TANC2: variants seen among roughly 807,000 people sequenced by gnomAD.
The protein encoded by TANC2 is tetratricopeptide repeat, ankyrin repeat and coiled-coil containing 2.
A neutral mutation model predicts 210.5 loss-of-function variants in TANC2; 26 were observed. That is an observed-to-expected ratio of 0.12 (90% CI 0.09 to 0.17). The LOEUF (loss-of-function observed/expected upper bound fraction) is 0.17, where lower values mean the gene tolerates loss of function less well. Ranked by LOEUF, TANC2 falls within the 10% of genes least tolerant of loss-of-function variation. The probability of loss-of-function intolerance (pLI) is 1.00; values close to 1 mark genes in which losing one functional copy is unlikely to be tolerated. For synonymous variants in TANC2, 931 were observed against 967.1 expected (o/e 0.96, Z 0.69); for missense variants, 2,129 against 2,608.9 (o/e 0.82, Z 4.01).
chr17:62,970,612 T>C lies in TANC2; in HGVS notation c.-24+3863T>C, dbSNP rs150595697. Among the ~76,000 whole-genome samples, 430 of 152,272 alleles carry C rather than the reference T, an allele frequency of 2.8e-3. 1 individual carries two copies. Among genetic ancestry groups the C allele is most frequent in the African/African-American group, 0.01 (416 of 41,550 alleles). On this transcript the variant is annotated intron_variant, in intron 1 of 27. Transcript: ENST00000689528. Reference sequence around the variant, plus strand: ...AATCCAGTCATTTCAAAGGGGACTATTAGGGTAGTTGGTACTGATTGAATA... The same window carrying C: ...AATCCAGTCATTTCAAAGGGGACTACTAGGGTAGTTGGTACTGATTGAATA...
chr17:63,314,232 ATAGAATCAACAT>A (rs1214913884), intron 9 of TANC2, among the ~76,000 whole-genome samples, 144 bp from the exon 10 acceptor site: 4 of 152,214 alleles, frequency 2.6e-5, no homozygotes, highest in Non-Finnish European at 2.9e-5. Flanking sequence ...GCTTATCTGT[ATAGAATCAACAT>A]TCGCAGTTGC....
At chr17:63,370,003 C>G (rs1394122367) in intron 14 of TANC2, among the ~76,000 whole-genome samples, 2 of 152,090 alleles carry the variant, frequency 1.3e-5, no homozygotes, top group South Asian at 4.1e-4. Context: ...ATACACCCTG[C>G]TCTCTCTTCT....
intron 9 of TANC2, among the ~76,000 whole-genome samples, chr17:63,287,027 G>A (rs1404650478): frequency 2.0e-5 from 3 of 152,122 alleles, no homozygotes; most frequent in Admixed American, 6.5e-5. Context: ...TCTGCCTCCC[G>A]GGTTCAAATG....
chr17:62,991,482 C>CA (rs1271854862), intron 1 of TANC2, among the ~76,000 whole-genome samples: 1 of 151,330 alleles, frequency 6.6e-6, no homozygotes, highest in African/African-American at 2.4e-5. Flanking sequence ...ACTAAAAATA[C>CA]AAAAAAATTA....
intron 5 of TANC2, chr17:63,154,913 A>G (rs908055533): frequency 6.6e-6 from 1 of 152,118 alleles, no homozygotes; most frequent in Non-Finnish European, 1.5e-5. Flanking sequence ...TTTTATATAG[A>G]TACATGAATA....
At chr17:63,271,168 C>T (rs72845231) in intron 9 of TANC2, among the ~76,000 whole-genome samples, 21,546 of 151,972 alleles carry the variant, frequency 0.14, 1,972 homozygotes, top group Middle Eastern at 0.21. Flanking sequence ...TATATTCCTT[C>T]GAATATACCC....
intron 2 of TANC2, among the ~76,000 whole-genome samples, chr17:63,066,823 T>G (rs1161410745): frequency 2.0e-5 from 3 of 152,038 alleles, no homozygotes; most frequent in African/African-American, 7.2e-5. Flanking sequence ...GCAAGGTTAC[T>G]ATAGCCCTAG....
chr17:63,159,832 A>G (rs1229349467), intron 5 of TANC2, among the ~76,000 whole-genome samples: 7 of 152,198 alleles, frequency 4.6e-5, no homozygotes, highest in African/African-American at 1.7e-4. Flanking sequence ...ATACTGAGAA[A>G]AGGCTGTATT....
intron 14 of TANC2, among the ~76,000 whole-genome samples, chr17:63,358,391 G>GTGTGTGTGTGTT (rs1188723570): frequency 1.3e-5 from 2 of 151,492 alleles, no homozygotes; most frequent in Non-Finnish European, 2.9e-5. Context: ...GTGTGTGTGT[G>GTGTGTGTGTGTT]TGTGTGTGTG....
intron 8 of TANC2, among the ~76,000 whole-genome samples, chr17:63,246,837 A>G (rs1346183836): frequency 6.6e-6 from 1 of 152,164 alleles, no homozygotes; most frequent in Non-Finnish European, 1.5e-5. Context: ...TAGGAGTAGA[A>G]TTGCTGAATC....
chr17:63,268,575 G>A (rs1167561786), intron 9 of TANC2, among the ~76,000 whole-genome samples: 1 of 152,104 alleles, frequency 6.6e-6, no homozygotes, highest in African/African-American at 2.4e-5. Flanking sequence ...TTAAATAAGG[G>A]ATACTCAGGC....
chr17:63,335,833 A>G (rs2046008235), intron 11 of TANC2, among the ~76,000 whole-genome samples: 1 of 152,168 alleles, frequency 6.6e-6, no homozygotes, highest in African/African-American at 2.4e-5. Context: ...TGCTATGGTT[A>G]TGTAAGATGT....
chr17:63,068,411 T>G (rs1444321856), intron 2 of TANC2, among the ~76,000 whole-genome samples: 2 of 152,156 alleles, frequency 1.3e-5, no homozygotes, highest in Admixed American at 1.3e-4. Context: ...ATGGAGTTTT[T>G]GCATTATATT....
chr17:63,205,122 A>G (rs532594839), intron 7 of TANC2, among the ~76,000 whole-genome samples: 4 of 152,158 alleles, frequency 2.6e-5, no homozygotes, highest in African/African-American at 9.6e-5. Context: ...GAGACCAGAA[A>G]TAAACTCTTG....
At chr17:63,397,348 A>G (rs1312848107) in intron 18 of TANC2, among the ~76,000 whole-genome samples, 1 of 152,160 alleles carries the variant, frequency 6.6e-6, no homozygotes, top group East Asian at 1.9e-4. Context: ...TAATACTCTT[A>G]ATTGAAAGCT....
At chr17:63,021,634 C>A (rs2034352462) in intron 2 of TANC2, among the ~76,000 whole-genome samples, 1 of 152,138 alleles carries the variant, frequency 6.6e-6, no homozygotes, top group Non-Finnish European at 1.5e-5. Context: ...GTTATAGCAA[C>A]AGAAAATGGA....
chr17:63,334,289 CA>C (rs2045953165), intron 11 of TANC2, among the ~76,000 whole-genome samples: 2 of 152,002 alleles, frequency 1.3e-5, no homozygotes, highest in Admixed American at 1.3e-4. Flanking sequence ...CTTTTGGTGC[CA>C]AAAAGCAAGA....
chr17:63,195,533 G>A (rs1598581841), intron 6 of TANC2, among the ~76,000 whole-genome samples: 2 of 152,232 alleles, frequency 1.3e-5, no homozygotes, highest in South Asian at 4.2e-4. Context: ...TTTTGCCTGT[G>A]CTACTGCAAT....
chr17:63,346,049 T>C (rs562685210), intron 12 of TANC2, among the ~76,000 whole-genome samples: 9 of 152,316 alleles, frequency 5.9e-5, no homozygotes, highest in Admixed American at 3.3e-4. Context: ...CAGATGGTAC[T>C]GGAACAACTA....
Sources: gnomAD v4.1 joint callset for allele counts (sites outside exome capture counted in the v4.1 genomes callset) on GRCh38, gnomAD v4.1.1 for gene constraint, MANE v1.5 for transcripts, NCBI Gene and HGNC (gene_info 2026-07-23, HGNC 2026-07-21) for gene names.